Variants in GRIA4 observed in about 807,000 individuals in gnomAD.
GRIA4 encodes glutamate receptor 4.
GRIA4 carries 34 observed loss-of-function variants against 104.0 expected under a neutral mutation model. The ratio of observed to expected loss-of-function variants is 0.33; its 90% CI spans 0.25 to 0.44. The LOEUF is 0.44. GRIA4 is among the 20% of genes least tolerant of loss of function. The pLI, the probability that GRIA4 is intolerant of heterozygous loss-of-function variation, is 1.00. For synonymous variants in GRIA4, 386 were observed against 381.9 expected, an observed-to-expected ratio of 1.01 and a Z score of -0.13; for missense variants, 750 against 1,096.5, an observed-to-expected ratio of 0.68 and a Z score of 4.46.
chr11:105,632,603 TAG>T (rs1951062934), intron 3 of GRIA4, among the ~76,000 whole-genome samples: 1 of 152,186 alleles, frequency 6.6e-6, no homozygotes, highest in African/African-American at 2.4e-5. Flanking sequence ...TTGATTTTAC[TAG>T]AAATATCTAA....
intron 3 of GRIA4, among the ~76,000 whole-genome samples, chr11:105,730,761 A>C (rs1035798852): frequency 6.6e-6 from 1 of 152,204 alleles, no homozygotes; most frequent in Non-Finnish European, 1.5e-5. Context: ...AAACTTTCCA[A>C]AAACAAGCAG....
At chr11:105,871,570 A>C (rs1313906233) in intron 5 of GRIA4, among the ~76,000 whole-genome samples, 1 of 151,696 alleles carries the variant, frequency 6.6e-6, no homozygotes, top group Non-Finnish European at 1.5e-5. Context: ...CTGATTTATA[A>C]AGACAGGGTA....
rs1484386159 is a variant in GRIA4, at chr11:105,630,703, A to G, written c.247+18269A>G. The stretch of plus-strand genomic sequence containing the variant: ...GGCATTAATGAAAAAAATGATTAAT[A>G]ATTTTTTTTAAAAAAATTTTAAAAA... On this transcript the variant is annotated intron_variant, in intron 3 of 16. Transcript: ENST00000282499. Among the ~76,000 whole-genome samples, 3 of 152,262 alleles carry G rather than the reference A, an allele frequency of 2.0e-5. No individual in the cohort carries two copies. The South Asian group carries it at 6.2e-4, about 32-fold the overall frequency.
In GRIA4 at chr11:105,977,443, T is replaced by C. The variant is rs1859039985; in HGVS notation, c.2545-2132T>C. Among the ~76,000 whole-genome samples the C allele has an allele frequency of 2.0e-5, 3 of 151,962 alleles. No homozygotes were observed. The South Asian group carries it at 6.2e-4, about 31-fold the overall frequency. On this transcript the variant is annotated intron_variant, in intron 16 of 16. Coordinates refer to ENST00000282499, the MANE Select transcript of GRIA4 (RefSeq NM_000829.4). ...TGGATTAGACTCGTGGATATTCATT[T>C]TTCTTGTTTTCATCAGCATATGACT...
At chr11:105,650,027 A>G (rs1375094631) in intron 3 of GRIA4, among the ~76,000 whole-genome samples, 2 of 152,154 alleles carry the variant, frequency 1.3e-5, no homozygotes, top group African/African-American at 2.4e-5. Context: ...ACCCAAACCA[A>G]CATGTGTATA....
rs568315909 is a variant in GRIA4 at position 105,807,738 on chromosome 11, C to G, written c.488-54286C>G. On this transcript the variant is annotated intron_variant, in intron 4 of 16. Transcript: ENST00000282499. ...TTGTGTTTTTTTTCTCCTTCTCTAT[C>G]ACAAATTCTTGGGTTTATCTCTGTC... Among the ~76,000 whole-genome samples the G allele has an allele frequency of 3.3e-5, 5 of 151,658 alleles. No individual in the cohort carries two copies. In the South Asian group the frequency reaches 1.0e-3, roughly 32 times the overall value.
At chr11:105,770,317 G>A (rs1158761964) in intron 4 of GRIA4, among the ~76,000 whole-genome samples, 3 of 152,018 alleles carry the variant, frequency 2.0e-5, no homozygotes, top group African/African-American at 7.2e-5. Flanking sequence ...ATTCTTAAAA[G>A]TCTCGTGTTT....
chr11:105,670,175 C>A (rs911192423), intron 3 of GRIA4, among the ~76,000 whole-genome samples: 5 of 152,028 alleles, frequency 3.3e-5, no homozygotes, highest in Admixed American at 1.3e-4. Flanking sequence ...GGAAAGTAAT[C>A]AAAAATCTTA....
chr11:105,968,314 T>A (rs1391368835), intron 14 of GRIA4, among the ~76,000 whole-genome samples: 1 of 152,200 alleles, frequency 6.6e-6, no homozygotes, highest in African/African-American at 2.4e-5. Flanking sequence ...TTATTAAACT[T>A]GTGTTTGAAT....
intron 3 of GRIA4, among the ~76,000 whole-genome samples, chr11:105,740,037 T>A (rs182239370): frequency 6.6e-6 from 1 of 152,100 alleles, no homozygotes; most frequent in East Asian, 1.9e-4. Flanking sequence ...GACAACCTCA[T>A]CACATTCTAG....
At chr11:105,829,883 G>A (rs1943910644) in intron 4 of GRIA4, among the ~76,000 whole-genome samples, 1 of 151,906 alleles carries the variant, frequency 6.6e-6, no homozygotes, top group African/African-American at 2.4e-5. Flanking sequence ...ATGTGAATTG[G>A]AGAAAGAGAA....
chr11:105,945,241 C>A (rs112723893), intron 14 of GRIA4, among the ~76,000 whole-genome samples: 5 of 152,268 alleles, frequency 3.3e-5, no homozygotes, highest in African/African-American at 1.2e-4. Context: ...GGTATTAGAG[C>A]TCTCTGGCAA....
chr11:105,836,633 T>A (rs972687415), intron 4 of GRIA4, among the ~76,000 whole-genome samples: 4 of 152,144 alleles, frequency 2.6e-5, no homozygotes, highest in Admixed American at 2.0e-4. Flanking sequence ...AAACTTTATT[T>A]TCCACACTAA....
chr11:105,671,053 C>T (rs902818239), intron 3 of GRIA4, among the ~76,000 whole-genome samples: 19 of 152,082 alleles, frequency 1.2e-4, no homozygotes, highest in Admixed American at 1.2e-3. Flanking sequence ...CACATCTTCC[C>T]CTTTTACCAC....
intron 3 of GRIA4, among the ~76,000 whole-genome samples, chr11:105,750,731 G>T (rs988207389): frequency 2.0e-5 from 3 of 152,136 alleles, no homozygotes; most frequent in Non-Finnish European, 2.9e-5. Context: ...AACTTGAGCA[G>T]TGTAGTACAC....
chr11:105,935,454 G>A lies in GRIA4; in HGVS notation c.2294+1485G>A, dbSNP rs138033064. Among the ~76,000 whole-genome samples, 1,368 of 152,238 alleles carry A rather than the reference G, an allele frequency of 9.0e-3. 29 individuals carry two copies. The highest frequency in any genetic ancestry group is 0.052 in the Admixed American group (790 of 15,284). On this transcript the variant is annotated intron_variant, in intron 14 of 16. Transcript: ENST00000282499. The stretch of plus-strand genomic sequence containing the variant: ...CAGAAACTTAAACTGGCATCAGGTT[G>A]TTTCATCTTTGAGGGTTTATTTTGT...
At chr11:105,850,534 G>A (rs1565286781) in intron 4 of GRIA4, among the ~76,000 whole-genome samples, 1 of 152,182 alleles carries the variant, frequency 6.6e-6, no homozygotes, top group Non-Finnish European at 1.5e-5. Flanking sequence ...AATGTTTGAT[G>A]TCCTTACAGA....
chr11:105,719,320 AGTT>A (rs1429734067), intron 3 of GRIA4, among the ~76,000 whole-genome samples: 3 of 152,140 alleles, frequency 2.0e-5, no homozygotes, highest in African/African-American at 7.2e-5. Context: ...GTAAACATAA[AGTT>A]GTCCCACGAG....
intron 3 of GRIA4, among the ~76,000 whole-genome samples, chr11:105,638,439 C>T (rs1021754749): frequency 6.6e-6 from 1 of 152,064 alleles, no homozygotes; most frequent in Non-Finnish European, 1.5e-5. Context: ...GTAAGTAATA[C>T]GTACATCACT....
Sources: allele counts gnomAD v4.1 joint callset (sites outside exome capture counted in the v4.1 genomes callset), GRCh38; gene constraint gnomAD v4.1.1; transcripts MANE v1.5; gene names NCBI Gene and HGNC (gene_info 2026-07-23, HGNC 2026-07-21).